The following SRCIN1 variants were observed in gnomAD, a reference collection of about 807,000 sequenced individuals.
The protein encoded by SRCIN1 is SRC kinase signaling inhibitor 1.
A neutral mutation model predicts 116.2 loss-of-function variants in SRCIN1; 50 were observed. The ratio of observed to expected loss-of-function variants is 0.43; its 90% CI spans 0.34 to 0.54. SRCIN1 has a LOEUF of 0.54. SRCIN1 is among the 20% of genes least tolerant of loss of function. SRCIN1 has a pLI of 0.02. For missense variants in SRCIN1, 1,446 were observed against 1,672.0 expected (o/e 0.86, Z 2.36); for synonymous variants, 736 against 750.0 (o/e 0.98, Z 0.30).
At chr17:38,553,423 C>G (rs1467872950) in intron 11 of SRCIN1, among the ~76,000 whole-genome samples, 1 of 152,202 alleles carries the variant, frequency 6.6e-6, no homozygotes, top group South Asian at 2.1e-4. Flanking sequence ...CCGAGTATCT[C>G]TCATTGTAAC....
Position 38,552,600 on chromosome 17 carries a change from G to A in SRCIN1, c.2333-6C>T. On this transcript the variant is annotated splice_polypyrimidine_tract_variant and splice_region_variant and intron_variant, in intron 12 of 18. Transcript: ENST00000617146. The surrounding 1 kb of genome is among the most constrained non-coding windows in gnomAD (Gnocchi z 5.3). ...CTGCAGGCCCGGGAAGTGAGCTGAG[G>A]AGACAGGAAGGCATGAGCTGGGGCC... The A allele has an allele frequency of 2.5e-6, 4 of 1,612,462 alleles. No homozygotes were observed. The highest frequency in any genetic ancestry group is 3.4e-6 in the Non-Finnish European group (4 of 1,179,670).
chr17:38,536,313 C>T (rs1447530768), intron 18 of SRCIN1, among the ~76,000 whole-genome samples: 1 of 152,248 alleles, frequency 6.6e-6, no homozygotes, highest in East Asian at 1.9e-4. Flanking sequence ...GACACAGCTG[C>T]TGTCTCTGAA....
intron 1 of SRCIN1, among the ~76,000 whole-genome samples, chr17:38,592,855 G>C (rs1455084644): frequency 6.6e-6 from 1 of 152,022 alleles, no homozygotes; most frequent in African/African-American, 2.4e-5. Flanking sequence ...GTGGTGTTTG[G>C]TTTTATTTCT....
intron 2 of SRCIN1, among the ~76,000 whole-genome samples, chr17:38,578,228 C>G (rs902122138): frequency 2.0e-5 from 3 of 152,216 alleles, no homozygotes; most frequent in Non-Finnish European, 4.4e-5. Flanking sequence ...CTCTCTGCCC[C>G]GTCACACGCT....
chr17:38,568,300 G>T lies in SRCIN1; in HGVS notation c.325-69C>A, dbSNP rs1906853475. On this transcript the variant is annotated intron_variant, in intron 2 of 18. Coordinates refer to ENST00000617146, the MANE Select transcript of SRCIN1 (RefSeq NM_025248.3). This position sits in a 1 kb window ranked among gnomAD's most constrained non-coding sequence, Gnocchi z 4.5. ...GGAGGGGAAAAGAGGGGCAGGGGCA[G>T]GTTAGAGACCCTTGGAACTCAGCAC... 6.6e-7 allele frequency: 1 copy of T among 1,522,852 alleles called. No homozygotes were observed. Among genetic ancestry groups the T allele is most frequent in the Non-Finnish European group, 9.0e-7 (1 of 1,107,006 alleles). The allele number at this position is 1,522,852 out of a possible 1,614,324, so 94.3% of individuals were successfully genotyped here. A position where few individuals can be genotyped will look rare whatever the true frequency, so the allele number is the denominator to read the frequency against.
chr17:38,577,702 C>G (rs1907501596), intron 2 of SRCIN1, among the ~76,000 whole-genome samples: 1 of 152,200 alleles, frequency 6.6e-6, no homozygotes, highest in Non-Finnish European at 1.5e-5. Flanking sequence ...ACACAGGATG[C>G]TAGACCCAGA....
chr17:38,569,325 G>A (rs956223671), intron 2 of SRCIN1, among the ~76,000 whole-genome samples: 4 of 152,224 alleles, frequency 2.6e-5, no homozygotes, highest in African/African-American at 9.7e-5. Context: ...AGCCTCAGCA[G>A]GGAGACAGAG....
rs1327591130 is a variant in SRCIN1 at position 38,568,554 on chromosome 17, G to C, written c.325-323C>G. Among the ~76,000 whole-genome samples, 1 of 152,212 alleles carries C rather than the reference G, an allele frequency of 6.6e-6. No individual in the cohort carries two copies. Among genetic ancestry groups the C allele is most frequent in the East Asian group, 1.9e-4 (1 of 5,194 alleles). On this transcript the variant is annotated intron_variant, in intron 2 of 18. Transcript: ENST00000617146. This position sits in a 1 kb window ranked among gnomAD's most constrained non-coding sequence, Gnocchi z 4.5. ...GAGGCAGCGACAAAGCTGAGCTGTG[G>C]GGTCAGAGAAATGGCAGGCCAGGGA...
At chr17:38,546,114 G>A (rs1905058111) in intron 17 of SRCIN1, among the ~76,000 whole-genome samples, 1 of 152,188 alleles carries the variant, frequency 6.6e-6, no homozygotes, top group African/African-American at 2.4e-5. Context: ...CTCGGTGAGG[G>A]CACAGAGGGA....
chr17:38,564,142 T>C lies in SRCIN1; in HGVS notation c.517A>G (p.Ser173Gly), dbSNP rs1339753479. ...CCTGGGGAGCGCAGCTTGGTCTGGC[T>C]GGCCGAGCGGGAGAGAGGCAGGCTC... ...RQSLPLSRSA[S>G]QTKLRSPGVL... is the part of the protein sequence containing the mutation. The change falls in exon 4 of 19, where the codon AGC (serine) becomes GGC (glycine). Residue 173 changes from serine to glycine, a missense_variant. Physicochemically the swap from Ser to Gly is moderately conservative, Grantham distance 56 (BLOSUM62 0). This residue lies in a region of SRCIN1 where 246 missense variants were observed against 265.1 expected (regional missense o/e 0.93). Transcript: ENST00000617146. 4.4e-6 allele frequency: 7 copies of C among 1,600,680 alleles called. No homozygotes were observed. The highest frequency in any genetic ancestry group is 6.0e-6 in the Non-Finnish European group (7 of 1,174,534).
intron 18 of SRCIN1, among the ~76,000 whole-genome samples, chr17:38,537,423 T>C (rs573324624): frequency 6.6e-6 from 1 of 151,324 alleles, no homozygotes; most frequent in East Asian, 2.0e-4. Context: ...TGGATTGAGC[T>C]TGGAGAGGTT....
rs1906720910 is a variant in SRCIN1, at chr17:38,566,861, T to C, written c.345+1350A>G. ...TCGTGTTTTGTTTTGTTTTGTTTTG[T>C]TTCGTTTCCTTCCTTCCTTCCTTCC... On this transcript the variant is annotated intron_variant, in intron 3 of 18. Coordinates refer to ENST00000617146, the MANE Select transcript of SRCIN1 (RefSeq NM_025248.3). Among the ~76,000 whole-genome samples, 31 of 61,710 alleles carry C rather than the reference T, an allele frequency of 5.0e-4. No individual in the cohort carries two copies. In the South Asian group the frequency reaches 6.6e-3, roughly 13 times the overall value. The allele number at this position is 61,710 out of a possible 152,430, so 40.5% of individuals were successfully genotyped here. A position where few individuals can be genotyped will look rare whatever the true frequency, so the allele number is the denominator to read the frequency against.
At chr17:38,579,577 TTCCCCC>T in intron 1 of SRCIN1, among the ~76,000 whole-genome samples, 1 of 152,130 alleles carries the variant, frequency 6.6e-6, no homozygotes, top group East Asian at 1.9e-4. Context: ...CCCAGGGGCT[TTCCCCC>T]CACCTCTCCC....
At position 38,549,108 on chromosome 17, in the gene SRCIN1, G is replaced by A; in HGVS notation, c.3065C>T (p.Thr1022Ile). The change falls in exon 16 of 19, where the codon ACA becomes ATA. Residue 1022 changes from threonine to isoleucine, a missense_variant. By Grantham distance (89) the Thr-to-Ile change is moderately conservative. Coordinates refer to ENST00000617146, the MANE Select transcript of SRCIN1 (RefSeq NM_025248.3). ...GGTGACCACCACCTCTCCGGTACGT[G>A]TGGTGGTCAGGCCATGGGAGGAGGG... ...SFPSSHGLTT[T>I]RTGEVVVTSK... 6.2e-7 allele frequency: 1 copy of A among 1,612,026 alleles called. No individual in the cohort carries two copies. The highest frequency in any genetic ancestry group is 8.5e-7 in the Non-Finnish European group (1 of 1,179,560).
chr17:38,539,184 G>C (rs1005312681), intron 18 of SRCIN1, among the ~76,000 whole-genome samples: 2 of 152,178 alleles, frequency 1.3e-5, no homozygotes, highest in Non-Finnish European at 2.9e-5. Flanking sequence ...TGACAACACA[G>C]ATTTACTTTA....
intron 1 of SRCIN1, among the ~76,000 whole-genome samples, chr17:38,588,214 TG>T (rs1325154477): frequency 1.3e-5 from 2 of 152,188 alleles, no homozygotes; most frequent in Admixed American, 1.3e-4. Flanking sequence ...CTGTCAGAGT[TG>T]TATCAGACCC....
intron 2 of SRCIN1, among the ~76,000 whole-genome samples, chr17:38,571,444 C>G (rs942183342): frequency 2.6e-5 from 4 of 152,194 alleles, no homozygotes; most frequent in Non-Finnish European, 5.9e-5. Context: ...CAGCACTGCT[C>G]AGCCTTCTGG....
chr17:38,542,856 G>T, intron 18 of SRCIN1: 1 of 319,024 alleles, frequency 3.1e-6, no homozygotes, highest in South Asian at 2.7e-5. Flanking sequence ...TCTTGCCTCT[G>T]AGTCTAGAAC....
chr17:38,606,495 G>T (rs185174965), upstream of SRCIN1, among the ~76,000 whole-genome samples: 1 of 152,140 alleles, frequency 6.6e-6, no homozygotes, highest in Non-Finnish European at 1.5e-5. The surrounding 1 kb of genome is among the most constrained non-coding windows in gnomAD (Gnocchi z 5.2). Context: ...CTCGGTCGGA[G>T]GGTCTGGGCT....
Sources: gnomAD v4.1 joint callset for allele counts (sites outside exome capture counted in the v4.1 genomes callset) on GRCh38, gnomAD v4.1.1 for gene constraint, gnomAD v4.1.1 regional missense constraint, Gnocchi (gnomAD v3.1) non-coding constraint, MANE v1.5 for transcripts, NCBI Gene and HGNC (gene_info 2026-07-23, HGNC 2026-07-21) for gene names.